The following CTDSPL2 variants were observed in gnomAD, a reference collection of about 807,000 sequenced individuals.
CTDSPL2 encodes the protein CTD small phosphatase like 2, also known as CTD small phosphatase-like protein 2.
A neutral mutation model predicts 60.0 loss-of-function variants in CTDSPL2; 5 were observed. The ratio of observed to expected loss-of-function variants is 0.08; its 90% CI spans 0.04 to 0.18. The LOEUF (loss-of-function observed/expected upper bound fraction) is 0.18, where lower values mean the gene tolerates loss of function less well. CTDSPL2 is among the 10% of genes least tolerant of loss of function. The pLI, the probability that CTDSPL2 is intolerant of heterozygous loss-of-function variation, is 1.00. For missense variants in CTDSPL2, 370 were observed against 548.8 expected, an observed-to-expected ratio of 0.67 and a Z score of 3.26; for synonymous variants, 186 against 189.3, an observed-to-expected ratio of 0.98 and a Z score of 0.14.
chr15:44,512,908 C>T (rs966835085), intron 8 of CTDSPL2, among the ~76,000 whole-genome samples: 1 of 151,840 alleles, frequency 6.6e-6, no homozygotes, highest in Admixed American at 6.6e-5. Context: ...CCCATCTCTA[C>T]TAAAAATACA....
chr15:44,475,407 G>A (rs1421589058), intron 2 of CTDSPL2, among the ~76,000 whole-genome samples: 2 of 152,188 alleles, frequency 1.3e-5, no homozygotes, highest in Non-Finnish European at 2.9e-5. Context: ...GGGAGGCCGA[G>A]GCAGGTGGAT....
At chr15:44,465,568 G>A (rs2080668799) in intron 2 of CTDSPL2, among the ~76,000 whole-genome samples, 1 of 152,042 alleles carries the variant, frequency 6.6e-6, no homozygotes, top group Non-Finnish European at 1.5e-5. Context: ...AAAGGTGATT[G>A]TATTAATTTA....
intron 2 of CTDSPL2, among the ~76,000 whole-genome samples, chr15:44,460,340 C>T (rs1342758200): frequency 6.6e-6 from 1 of 152,130 alleles, no homozygotes; most frequent in Non-Finnish European, 1.5e-5. Context: ...GATCTCCTGA[C>T]CTTGTGATTC....
intron 8 of CTDSPL2, among the ~76,000 whole-genome samples, chr15:44,506,061 A>G (rs1005597617): frequency 1.6e-4 from 20 of 127,250 alleles, no homozygotes; most frequent in Admixed American, 5.1e-4. Flanking sequence ...ACAGAGTCTC[A>G]ATCTGTTGCC....
intron 2 of CTDSPL2, among the ~76,000 whole-genome samples, chr15:44,472,835 T>G (rs960284753): frequency 6.6e-6 from 1 of 152,264 alleles, no homozygotes; most frequent in Non-Finnish European, 1.5e-5. Flanking sequence ...AACTAATTTT[T>G]TTTATTTTTA....
chr15:44,458,993 T>C lies in CTDSPL2; in HGVS notation c.-22T>C. On this transcript the variant is annotated splice_region_variant and 5_prime_UTR_variant, in exon 2 of 13. Coordinates refer to ENST00000260327, the MANE Select transcript of CTDSPL2 (RefSeq NM_016396.3). ...CATTTATTATTTTTCTCTTTTAGTT[T>C]TACATGTGGCACCCATAAAAGATGA... 2 of 1,496,332 alleles carry C rather than the reference T, an allele frequency of 1.3e-6. No homozygotes were observed. Among genetic ancestry groups the C allele is most frequent in the Non-Finnish European group, 1.8e-6 (2 of 1,122,428 alleles). The allele number at this position is 1,496,332 out of a possible 1,614,324, so 92.7% of individuals were successfully genotyped here. A position where few individuals can be genotyped will look rare whatever the true frequency, so the allele number is the denominator to read the frequency against.
intron 7 of CTDSPL2, among the ~76,000 whole-genome samples, chr15:44,498,522 G>T (rs1595761394): frequency 6.6e-6 from 1 of 152,122 alleles, no homozygotes; most frequent in African/African-American, 2.4e-5. Flanking sequence ...GGAGTTTGAG[G>T]CGGCAGTGAG....
Position 44,492,243 on chromosome 15 carries a change from G to A in CTDSPL2, c.691+1244G>A, listed in dbSNP as rs565092814. Among the ~76,000 whole-genome samples the A allele has an allele frequency of 1.2e-3, 182 of 152,290 alleles. 1 individual carries two copies. Among genetic ancestry groups the A allele is most frequent in the African/African-American group, 4.3e-3 (178 of 41,550 alleles). On this transcript the variant is annotated intron_variant, in intron 5 of 12. Transcript: ENST00000260327. ...CCTAATTACTCAGGAGGCTGAAGTGGGAGGATTGCTTGAGCCCAGGAATTC... is the reference window on the plus strand; with the variant it reads ...CCTAATTACTCAGGAGGCTGAAGTGAGAGGATTGCTTGAGCCCAGGAATTC...
At chr15:44,436,830 C>G (rs577360992) in intron 1 of CTDSPL2, among the ~76,000 whole-genome samples, 1 of 152,144 alleles carries the variant, frequency 6.6e-6, no homozygotes, top group East Asian at 1.9e-4. Context: ...ACTCTTGTTT[C>G]TCTCTTAATG....
intron 1 of CTDSPL2, among the ~76,000 whole-genome samples, chr15:44,437,319 C>G (rs1004679371): frequency 6.6e-6 from 1 of 152,158 alleles, no homozygotes; most frequent in Admixed American, 6.6e-5. Context: ...ATACAATGTG[C>G]TATTTTCTCT....
chr15:44,453,487 C>T (rs1344772416), intron 1 of CTDSPL2, among the ~76,000 whole-genome samples: 4 of 151,952 alleles, frequency 2.6e-5, no homozygotes, highest in Non-Finnish European at 5.9e-5. Flanking sequence ...AGGCTTGCTA[C>T]ATATGTATAC....
In CTDSPL2 at chr15:44,430,646, A is replaced by G. The variant is rs114947060; in HGVS notation, c.-25+2874A>G. On this transcript the variant is annotated intron_variant, in intron 1 of 12. Coordinates refer to ENST00000260327, the MANE Select transcript of CTDSPL2 (RefSeq NM_016396.3). Reference sequence around the variant, plus strand: ...CCAGAATTTGGAAAAAGCAATATCTAATTGTAACTTACCAGGTTGTGAAAG... The same window carrying G: ...CCAGAATTTGGAAAAAGCAATATCTGATTGTAACTTACCAGGTTGTGAAAG... Among the ~76,000 whole-genome samples, 744 of 152,320 alleles carry G rather than the reference A, an allele frequency of 4.9e-3. 10 individuals are homozygous for G. Among genetic ancestry groups the G allele is most frequent in the African/African-American group, 0.017 (710 of 41,568 alleles).
intron 8 of CTDSPL2, among the ~76,000 whole-genome samples, chr15:44,506,412 C>CTTTTTTTTTTTTTTTTTTT (rs764238056): frequency 1.5e-4 from 17 of 112,390 alleles, no homozygotes; most frequent in African/African-American, 4.7e-4. Flanking sequence ...CCTACTTTGA[C>CTTTTTTTTTTTTTTTTTTT]TTTTTTTTTT....
intron 4 of CTDSPL2, among the ~76,000 whole-genome samples, chr15:44,490,206 T>C (rs2081192162): frequency 6.6e-6 from 1 of 152,152 alleles, no homozygotes; most frequent in Non-Finnish European, 1.5e-5. Context: ...ACGATCACCG[T>C]TCACTGCAGC....
chr15:44,504,138 A>G (rs905175380), intron 8 of CTDSPL2, among the ~76,000 whole-genome samples: 1 of 152,202 alleles, frequency 6.6e-6, no homozygotes, highest in Non-Finnish European at 1.5e-5. Flanking sequence ...ACCTGAGGCC[A>G]GGAGTTCAGG....
At chr15:44,457,768 C>G (rs143618423) in intron 1 of CTDSPL2, among the ~76,000 whole-genome samples, 4,098 of 152,184 alleles carry the variant, frequency 0.027, 97 homozygotes, top group East Asian at 0.1. Flanking sequence ...CCTGCCACCA[C>G]GCCCACCTAA....
intron 5 of CTDSPL2, among the ~76,000 whole-genome samples, chr15:44,495,080 T>C (rs2081276067): frequency 6.6e-6 from 1 of 152,164 alleles, no homozygotes; most frequent in Non-Finnish European, 1.5e-5. Flanking sequence ...CAAGCGATTC[T>C]TCTGCCTTAG....
intron 2 of CTDSPL2, among the ~76,000 whole-genome samples, chr15:44,482,103 G>A (rs1482558425): frequency 6.6e-6 from 1 of 152,012 alleles, no homozygotes; most frequent in Non-Finnish European, 1.5e-5. Flanking sequence ...AGCCCTCTTA[G>A]CTGCCTTACC....
chr15:44,492,565 A>T (rs1032217415), intron 5 of CTDSPL2, among the ~76,000 whole-genome samples: 1 of 152,172 alleles, frequency 6.6e-6, no homozygotes, highest in African/African-American at 2.4e-5. Context: ...ATAAAAAGGA[A>T]ACTTTTAAAA....
Sources: allele counts gnomAD v4.1 joint callset (sites outside exome capture counted in the v4.1 genomes callset), GRCh38; gene constraint gnomAD v4.1.1; transcripts MANE v1.5; gene names NCBI Gene and HGNC (gene_info 2026-07-23, HGNC 2026-07-21).